VIPR2: variants seen among roughly 807,000 people sequenced by gnomAD.
VIPR2 encodes the protein vasoactive intestinal peptide receptor 2.
In VIPR2, 48 loss-of-function variants were observed where a neutral mutation model predicts 58.0. The observed-to-expected ratio is 0.83, with a 90% confidence interval of 0.66 to 1.05. The LOEUF is 1.05. Ranked by LOEUF, VIPR2 falls within the 50% of genes least tolerant of loss-of-function variation. The pLI is 0.00. For missense variants in VIPR2, 534 were observed against 558.0 expected (o/e 0.96, Z 0.43); for synonymous variants, 243 against 235.2 (o/e 1.03, Z -0.30).
chr7:159,133,539 G>T (rs1228689019), intron 2 of VIPR2, among the ~76,000 whole-genome samples: 1 of 152,260 alleles, frequency 6.6e-6, no homozygotes, highest in East Asian at 1.9e-4. Context: ...ATCCGAACAG[G>T]TAACTTTATC....
chr7:159,107,700 C>G (rs753803320), intron 3 of VIPR2, among the ~76,000 whole-genome samples: 35 of 152,190 alleles, frequency 2.3e-4, no homozygotes, highest in Admixed American at 1.5e-3. Context: ...GGAACTGCTG[C>G]AGGGCAGGGT....
rs1002516244 is a variant in VIPR2 at position 159,099,792 on chromosome 7, T to C, written c.357+3965A>G. Among the ~76,000 whole-genome samples the C allele has an allele frequency of 6.6e-5, 10 of 152,082 alleles. No individual in the cohort carries two copies. The highest frequency in any genetic ancestry group is 2.2e-4 in the African/African-American group (9 of 41,392). On this transcript the variant is annotated intron_variant, in intron 4 of 12. Transcript: ENST00000262178. This position sits in a 1 kb window ranked among gnomAD's most constrained non-coding sequence, Gnocchi z 4.2. ...ATCCCCCCCAGGCCACAGAAGCCCC[T>C]GAGACCCCTGGCTGCTCCCTTTCCT...
chr7:159,118,927 T>C (rs1484943903), intron 2 of VIPR2, among the ~76,000 whole-genome samples: 7 of 152,184 alleles, frequency 4.6e-5, no homozygotes, highest in Non-Finnish European at 7.4e-5. Context: ...CACACCTCCA[T>C]ACAGACCACA....
At chr7:159,124,492 A>G (rs1410722475) in intron 2 of VIPR2, among the ~76,000 whole-genome samples, 2 of 151,942 alleles carry the variant, frequency 1.3e-5, no homozygotes, top group Non-Finnish European at 2.9e-5. Flanking sequence ...TCTATTCTCC[A>G]TTGGTCTATG....
At chr7:159,062,743 G>A (rs1855778764) in intron 4 of VIPR2, among the ~76,000 whole-genome samples, 1 of 152,180 alleles carries the variant, frequency 6.6e-6, no homozygotes, top group African/African-American at 2.4e-5. Flanking sequence ...AGGAGACCCA[G>A]TGAATTGTCT....
At chr7:159,131,490 G>A (rs771645448) in intron 2 of VIPR2, among the ~76,000 whole-genome samples, 57 of 152,184 alleles carry the variant, frequency 3.7e-4, no homozygotes, top group African/African-American at 1.3e-3. Flanking sequence ...GATGTAAAAC[G>A]CAGATTTACT....
intron 4 of VIPR2, among the ~76,000 whole-genome samples, chr7:159,061,941 C>G (rs977620543): frequency 3.0e-4 from 46 of 152,038 alleles, no homozygotes; most frequent in African/African-American, 1.1e-3. Context: ...GAGCGGCGGC[C>G]GCGTCTGGAG....
At chr7:159,041,242 G>A (rs1854309246) in intron 6 of VIPR2, among the ~76,000 whole-genome samples, 1 of 152,200 alleles carries the variant, frequency 6.6e-6, no homozygotes, top group African/African-American at 2.4e-5. Context: ...CTCCCGGTGG[G>A]GCAGCCACGC....
At chr7:159,130,420 C>G (rs1412442186) in intron 2 of VIPR2, among the ~76,000 whole-genome samples, 1 of 151,252 alleles carries the variant, frequency 6.6e-6, no homozygotes, top group Non-Finnish European at 1.5e-5. Context: ...GATGACATCA[C>G]TATTATGGAA....
At chr7:159,126,025 T>G (rs1309618042) in intron 2 of VIPR2, among the ~76,000 whole-genome samples, 1 of 152,194 alleles carries the variant, frequency 6.6e-6, no homozygotes, top group East Asian at 1.9e-4. Context: ...GATGAAACAA[T>G]GCAGGAAGCT....
chr7:159,070,992 C>G (rs1856360086), intron 4 of VIPR2, among the ~76,000 whole-genome samples: 1 of 152,146 alleles, frequency 6.6e-6, no homozygotes. Context: ...TGTGGCTTCA[C>G]CACGCAGGTC....
chr7:159,137,344 T>G lies in VIPR2; in HGVS notation c.151+5102A>C, dbSNP rs188030062. ...TAAAAATTAATTCAGTGAGATTTGT[T>G]TCCTATAAAAAGTAAATATAAAGAC... On this transcript the variant is annotated intron_variant, in intron 2 of 12. Transcript: ENST00000262178. 3.9e-4 allele frequency among the ~76,000 whole-genome samples: 59 copies of G among 152,290 alleles called. No homozygotes were observed. The East Asian group carries it at 0.011, about 28-fold the overall frequency.
intron 2 of VIPR2, among the ~76,000 whole-genome samples, chr7:159,125,145 G>T (rs530271714): frequency 7.9e-5 from 12 of 152,288 alleles, no homozygotes; most frequent in African/African-American, 2.9e-4. Context: ...TTGCCTGACT[G>T]CCCTGGCTAG....
At chr7:159,035,312 C>G (rs1381379889) in intron 8 of VIPR2, among the ~76,000 whole-genome samples, 1 of 152,202 alleles carries the variant, frequency 6.6e-6, no homozygotes, top group Non-Finnish European at 1.5e-5. Flanking sequence ...CCAAGGGGAA[C>G]CAGTCCTCAA....
At chr7:159,136,767 G>A (rs1482660070) in intron 2 of VIPR2, among the ~76,000 whole-genome samples, 1 of 152,166 alleles carries the variant, frequency 6.6e-6, no homozygotes, top group Non-Finnish European at 1.5e-5. Context: ...CATAAGTAAA[G>A]AATGTGAAAT....
intron 3 of VIPR2, among the ~76,000 whole-genome samples, chr7:159,105,187 CCA>C (rs1441123197): frequency 6.6e-6 from 1 of 152,140 alleles, no homozygotes; most frequent in African/African-American, 2.4e-5. Context: ...AAGAATAAAA[CCA>C]GGCACTGAAC....
intron 4 of VIPR2, among the ~76,000 whole-genome samples, chr7:159,079,417 AC>A (rs1291086579): frequency 1.3e-5 from 2 of 152,184 alleles, no homozygotes; most frequent in African/African-American, 2.4e-5. Context: ...GTTCTTTGAA[AC>A]CAACGAGAAC....
At chr7:159,123,308 A>G (rs1306404022) in intron 2 of VIPR2, among the ~76,000 whole-genome samples, 3 of 149,552 alleles carry the variant, frequency 2.0e-5, no homozygotes, top group Admixed American at 6.6e-5. Flanking sequence ...AAAAAAAAAA[A>G]AAAAAAAGAA....
At chr7:159,103,041 G>A (rs1230037534) in intron 4 of VIPR2, among the ~76,000 whole-genome samples, 2 of 152,226 alleles carry the variant, frequency 1.3e-5, no homozygotes, top group Admixed American at 6.5e-5. Flanking sequence ...AGAAGCAGCT[G>A]TCTGAGGCAG....
Sources: gnomAD v4.1 joint callset for allele counts (sites outside exome capture counted in the v4.1 genomes callset) on GRCh38, gnomAD v4.1.1 for gene constraint, Gnocchi (gnomAD v3.1) non-coding constraint, MANE v1.5 for transcripts, NCBI Gene and HGNC (gene_info 2026-07-23, HGNC 2026-07-21) for gene names.